Variants in ADAM10 observed in about 807,000 individuals in gnomAD.
ADAM10 encodes disintegrin and metalloproteinase domain-containing protein 10.
ADAM10 carries 17 observed loss-of-function variants against 90.1 expected under a neutral mutation model. That is an observed-to-expected ratio of 0.19 (90% CI 0.13 to 0.28). The LOEUF (loss-of-function observed/expected upper bound fraction) is 0.28. ADAM10 is among the 10% of genes least tolerant of loss of function. The probability of loss-of-function intolerance (pLI) is 1.00; values close to 1 mark genes in which losing one functional copy is unlikely to be tolerated. For synonymous variants in ADAM10, 310 were observed against 298.6 expected (o/e 1.04, Z -0.40); for missense variants, 610 against 914.3 (o/e 0.67, Z 4.29).
intron 4 of ADAM10, among the ~76,000 whole-genome samples, chr15:58,667,210 TC>T (rs1344806938): frequency 6.6e-6 from 1 of 152,214 alleles, no homozygotes; most frequent in East Asian, 1.9e-4. Flanking sequence ...CTATTGCCTT[TC>T]TTCCAGTTCC....
chr15:58,709,556 T>C (rs1268232053), intron 2 of ADAM10, among the ~76,000 whole-genome samples: 4 of 151,824 alleles, frequency 2.6e-5, no homozygotes, highest in Non-Finnish European at 2.9e-5. Context: ...CTGGCCAACA[T>C]AGTGAAACCC....
intron 3 of ADAM10, among the ~76,000 whole-genome samples, chr15:58,681,193 G>A (rs1897431440): frequency 3.9e-5 from 6 of 152,054 alleles, no homozygotes. Flanking sequence ...AAAAGGGCAG[G>A]AACTACTAAG....
chr15:58,688,786 A>ATATATATATATATATATATC, intron 2 of ADAM10, among the ~76,000 whole-genome samples: 273 of 122,242 alleles, frequency 2.2e-3, no homozygotes, highest in Middle Eastern at 7.7e-3. Flanking sequence ...ATATATATAT[A>ATATATATATATATATATATC]TCTCTCTCTC....
At chr15:58,747,765 AAG>A (rs1899837973) in intron 1 of ADAM10, 4 of 152,220 alleles carry the variant, frequency 2.6e-5, no homozygotes, top group Admixed American at 2.6e-4. Flanking sequence ...ATTTTTGTAT[AAG>A]AGTTTTAACC....
At chr15:58,690,237 C>T (rs143344869) in intron 2 of ADAM10, among the ~76,000 whole-genome samples, 13 of 152,238 alleles carry the variant, frequency 8.5e-5, no homozygotes, top group Non-Finnish European at 1.6e-4. Context: ...CAGGAACTTC[C>T]TTAACCCGAT....
Position 58,655,711 on chromosome 15 carries a change from G to GTGTGTATATATATA in ADAM10, c.585+9385_585+9386insTATATATATACACA, listed in dbSNP as rs1212041296. ...ATTATATATAGTATATATATATATAGTATATATATATATATATATATATAT... is the reference window on the plus strand; with the variant it reads ...ATTATATATAGTATATATATATATAGTGTGTATATATATATATATATATATATATATATATATAT... On this transcript the variant is annotated intron_variant, in intron 5 of 15. Transcript: ENST00000260408. Among the ~76,000 whole-genome samples, 36 of 53,708 alleles carry GTGTGTATATATATA rather than the reference G, an allele frequency of 6.7e-4. 1 individual carries two copies. Among genetic ancestry groups the GTGTGTATATATATA allele is most frequent in the East Asian group, 4.1e-3 (7 of 1,720 alleles). The allele number at this position is 53,708 out of a possible 152,430, so 35.2% of individuals were successfully genotyped here.
At chr15:58,659,236 G>A (rs1896910515) in intron 5 of ADAM10, among the ~76,000 whole-genome samples, 2 of 151,708 alleles carry the variant, frequency 1.3e-5, no homozygotes, top group Admixed American at 6.6e-5. Flanking sequence ...TCACACCACT[G>A]CACTCCAGCC....
chr15:58,658,801 C>T (rs1021590333), intron 5 of ADAM10, among the ~76,000 whole-genome samples: 3 of 152,116 alleles, frequency 2.0e-5, no homozygotes, highest in African/African-American at 7.2e-5. Context: ...TAGAATACGA[C>T]TGATTATACC....
At chr15:58,613,782 CTT>C (rs1423214642) in intron 11 of ADAM10, among the ~76,000 whole-genome samples, 1 of 152,058 alleles carries the variant, frequency 6.6e-6, no homozygotes, top group East Asian at 1.9e-4. Context: ...GTCTATAAGA[CTT>C]ATGGGACACC....
At chr15:58,667,530 C>A (rs1158405898) in intron 4 of ADAM10, among the ~76,000 whole-genome samples, 1 of 152,082 alleles carries the variant, frequency 6.6e-6, no homozygotes, top group African/African-American at 2.4e-5. Context: ...GGATGGTAAT[C>A]CCTCCAATAA....
chr15:58,631,506 A>G (rs1896098841), intron 9 of ADAM10, among the ~76,000 whole-genome samples: 2 of 152,276 alleles, frequency 1.3e-5, no homozygotes, highest in South Asian at 2.1e-4. Flanking sequence ...TTCACAGATG[A>G]GCACCAGCAG....
intron 10 of ADAM10, among the ~76,000 whole-genome samples, chr15:58,622,745 A>C (rs983095747): frequency 6.6e-6 from 1 of 152,228 alleles, no homozygotes; most frequent in Non-Finnish European, 1.5e-5. Flanking sequence ...AGTCTTCTAA[A>C]GTTCTTTGAT....
At chr15:58,738,878 G>A (rs1348242452) in intron 1 of ADAM10, among the ~76,000 whole-genome samples, 1 of 152,038 alleles carries the variant, frequency 6.6e-6, no homozygotes, top group Non-Finnish European at 1.5e-5. Context: ...TAAGACACAA[G>A]TACAGACAGT....
At chr15:58,722,675 G>A (rs575317531) in intron 1 of ADAM10, among the ~76,000 whole-genome samples, 69 of 148,740 alleles carry the variant, frequency 4.6e-4, no homozygotes, top group South Asian at 6.6e-4. Flanking sequence ...CATGAAGGGA[G>A]TATTTACACC....
intron 2 of ADAM10, among the ~76,000 whole-genome samples, chr15:58,701,737 G>A (rs1456975961): frequency 6.6e-6 from 1 of 152,152 alleles, no homozygotes; most frequent in African/African-American, 2.4e-5. Flanking sequence ...AATCAACTAA[G>A]TGTGAATCAA....
chr15:58,744,974 G>C (rs1425771523), intron 1 of ADAM10, among the ~76,000 whole-genome samples: 2 of 152,262 alleles, frequency 1.3e-5, no homozygotes, highest in Non-Finnish European at 2.9e-5. Flanking sequence ...CCTGAAGTCA[G>C]GAGTTCGAGA....
chr15:58,625,885 G>A (rs190012263), intron 10 of ADAM10, among the ~76,000 whole-genome samples: 1 of 152,306 alleles, frequency 6.6e-6, no homozygotes, highest in Non-Finnish European at 1.5e-5. Flanking sequence ...ATTATGTTGA[G>A]TGAGAAAAGG....
Position 58,591,134 on chromosome 15 carries a change from C to T in ADAM10, c.*6413G>A, listed in dbSNP as rs1894815405. On this transcript the variant is annotated 3_prime_UTR_variant, in exon 16 of 16. Coordinates refer to ENST00000260408, the MANE Select transcript of ADAM10 (RefSeq NM_001110.4). ...ATTTTACTTAAGTAGTTAGCTAAGC[C>T]CTTCAACAGTGAGAGAGAGAGAGAG... 1 of 142,468 alleles carries T rather than the reference C, an allele frequency of 7.0e-6. No homozygotes were observed. Among genetic ancestry groups the T allele is most frequent in the Non-Finnish European group, 1.5e-5 (1 of 67,420 alleles). The allele number at this position is 142,468 out of a possible 1,614,324, so 8.8% of individuals were successfully genotyped here.
intron 5 of ADAM10, among the ~76,000 whole-genome samples, chr15:58,656,694 G>A (rs1305210795): frequency 1.3e-5 from 2 of 151,908 alleles, no homozygotes; most frequent in African/African-American, 4.8e-5. Context: ...TTTTTTATCA[G>A]TTCATCATTT....
Sources: gnomAD v4.1 joint callset for allele counts (sites outside exome capture counted in the v4.1 genomes callset) on GRCh38, gnomAD v4.1.1 for gene constraint, MANE v1.5 for transcripts, NCBI Gene and HGNC (gene_info 2026-07-23, HGNC 2026-07-21) for gene names.